The following USP42 variants were observed in gnomAD, a reference collection of about 807,000 sequenced individuals.
The protein encoded by USP42 is ubiquitin specific peptidase 42, also known as ubiquitin carboxyl-terminal hydrolase 42.
A neutral mutation model predicts 113.0 loss-of-function variants in USP42; 23 were observed. The ratio of observed to expected loss-of-function variants is 0.20; its 90% CI spans 0.15 to 0.29. The LOEUF (loss-of-function observed/expected upper bound fraction) is 0.29. Among genes scored for constraint, USP42 ranks in the 10% least tolerant of loss-of-function variants. The pLI is 1.00. For synonymous variants in USP42, 933 were observed against 699.0 expected, an observed-to-expected ratio of 1.33 and a Z score of -5.28; for missense variants, 2,174 against 1,779.8, an observed-to-expected ratio of 1.22 and a Z score of -3.99.
Position 6,145,739 on chromosome 7 carries a change from G to C in USP42, c.1131+83G>C, listed in dbSNP as rs529029173. 1.3e-5 allele frequency: 19 copies of C among 1,453,234 alleles called. No individual in the cohort carries two copies. The African/African-American group carries it at 2.5e-4, about 19-fold the overall frequency. 90.0% of individuals were successfully genotyped at this position (1,453,234 alleles called of 1,614,324 possible). On this transcript the variant is annotated intron_variant, in intron 10 of 17. Transcript: ENST00000306177. Reference sequence around the variant, plus strand: ...AGCATTCTTGGGGTAGGGAGAGGTGGAACTTTTACAGTTAAAATGTGAATA... The same window carrying C: ...AGCATTCTTGGGGTAGGGAGAGGTGCAACTTTTACAGTTAAAATGTGAATA...
intron 2 of USP42, among the ~76,000 whole-genome samples, chr7:6,112,529 C>A (rs534360676): frequency 1.3e-5 from 2 of 152,048 alleles, no homozygotes; most frequent in African/African-American, 4.8e-5. Flanking sequence ...TGGTTACATT[C>A]GTTAAAACTC....
chr7:6,129,775 C>G (rs747402561), intron 3 of USP42, among the ~76,000 whole-genome samples: 1 of 150,254 alleles, frequency 6.7e-6, no homozygotes, highest in Non-Finnish European at 1.5e-5. Context: ...GCAAGAGAAT[C>G]ACTTGAACCC....
intron 14 of USP42, among the ~76,000 whole-genome samples, chr7:6,151,000 G>A (rs1206208544): frequency 6.6e-6 from 1 of 152,240 alleles, no homozygotes; most frequent in African/African-American, 2.4e-5. Flanking sequence ...GGTGTGTCCT[G>A]CGGCTCCTAG....
At chr7:6,090,584 G>A in the USP42 span, among the ~76,000 whole-genome samples, 1 of 145,894 alleles carries the variant, frequency 6.9e-6, no homozygotes, top group African/African-American at 2.6e-5. Flanking sequence ...GCACGGTTGT[G>A]CATGCCTGTA....
intron 7 of USP42, among the ~76,000 whole-genome samples, chr7:6,141,595 ATTGCCCAG>A: frequency 6.7e-6 from 1 of 148,760 alleles, no homozygotes; most frequent in East Asian, 2.0e-4. Flanking sequence ...GTCTTGCTCC[ATTGCCCAG>A]GCTGGAGTGC....
chr7:6,125,801 G>C (rs538828171), intron 3 of USP42, among the ~76,000 whole-genome samples: 1 of 146,274 alleles, frequency 6.8e-6, no homozygotes, highest in South Asian at 2.1e-4. Flanking sequence ...ATTTTACTTT[G>C]TTGTTGATTT....
At chr7:6,106,900 A>G (rs1779312157) in intron 1 of USP42, among the ~76,000 whole-genome samples, 1 of 152,196 alleles carries the variant, frequency 6.6e-6, no homozygotes, top group Non-Finnish European at 1.5e-5. Context: ...TGTAACTTTT[A>G]TATATCATCA....
At chr7:6,146,996 G>C (rs1438088421) in intron 11 of USP42, among the ~76,000 whole-genome samples, 1 of 152,228 alleles carries the variant, frequency 6.6e-6, no homozygotes, top group South Asian at 2.1e-4. Flanking sequence ...TGTTGTGGCT[G>C]CATACGCTTT....
the USP42 span, among the ~76,000 whole-genome samples, chr7:6,091,677 GCATACA>G: frequency 0.036 from 1,888 of 52,588 alleles, 30 homozygotes; most frequent in Non-Finnish European, 0.056. Flanking sequence ...CATTATGTTA[GCATACA>G]CACACACACA....
intron 8 of USP42, 77 bp from the exon 9 acceptor site, chr7:6,144,008 T>C: frequency 1.1e-6 from 1 of 921,448 alleles, no homozygotes; most frequent in South Asian, 2.0e-5. Context: ...TTGAGAATAG[T>C]AACAAGAAAG....
At chr7:6,086,752 G>C in the USP42 span, among the ~76,000 whole-genome samples, 9 of 143,712 alleles carry the variant, frequency 6.3e-5, 1 homozygote, top group African/African-American at 1.9e-4. Context: ...TTGAGATGGA[G>C]TTTCGCTCTT....
chr7:6,132,290 A>G (rs1252619979), intron 3 of USP42, among the ~76,000 whole-genome samples: 2 of 152,170 alleles, frequency 1.3e-5, no homozygotes, highest in Non-Finnish European at 2.9e-5. Context: ...TGTGCCTGAT[A>G]AGAAGTCTGT....
chr7:6,091,804 A>G, the USP42 span, among the ~76,000 whole-genome samples: 1 of 149,748 alleles, frequency 6.7e-6, no homozygotes, highest in South Asian at 2.1e-4. Flanking sequence ...GTGTCTAGCT[A>G]TTTTGCCCCA....
chr7:6,108,534 G>A (rs1779417141), intron 1 of USP42, among the ~76,000 whole-genome samples: 2 of 152,156 alleles, frequency 1.3e-5, no homozygotes, highest in South Asian at 4.1e-4. Context: ...AGGCTGGAGT[G>A]CAGTGGCGCG....
intron 7 of USP42, among the ~76,000 whole-genome samples, chr7:6,142,577 C>G (rs961076015): frequency 6.6e-6 from 1 of 152,092 alleles, no homozygotes; most frequent in African/African-American, 2.4e-5. Context: ...TCTTCTGTTC[C>G]TTCTTTTAAA....
the USP42 span, among the ~76,000 whole-genome samples, chr7:6,091,118 C>G: frequency 6.6e-6 from 1 of 151,036 alleles, no homozygotes; most frequent in Non-Finnish European, 1.5e-5. Context: ...ATATGATTTG[C>G]TATTTTGTTT....
chr7:6,110,530 A>G (rs1779543209), intron 1 of USP42, among the ~76,000 whole-genome samples: 2 of 152,196 alleles, frequency 1.3e-5, no homozygotes, highest in African/African-American at 4.8e-5. Context: ...GTTTTATTTA[A>G]AAAGTCATAC....
rs572277214 is a variant in USP42 at position 6,150,259 on chromosome 7, A to C, written c.2063A>C (p.His688Pro). 7.4e-6 allele frequency: 12 copies of C among 1,613,716 alleles called. No individual in the cohort carries two copies. In the African/African-American group the frequency reaches 1.6e-4, roughly 21 times the overall value. ...AGCTGCCAAGGCCAGCCTGCCCTGC[A>C]CTCAGAAAATCCCTTTGCTAAGGCA... Reference protein sequence around the residue: ...GASCQGQPALHSENPFAKANG... With the variant: ...GASCQGQPALPSENPFAKANG... The change falls in exon 13 of 18, where the codon CAC becomes CCC. Residue 688 changes from histidine (H) to proline (P), a missense_variant. Coordinates refer to ENST00000306177, the MANE Select transcript of USP42 (RefSeq NM_032172.3).
the USP42 span, among the ~76,000 whole-genome samples, chr7:6,089,410 C>G: frequency 6.6e-6 from 1 of 150,616 alleles, no homozygotes; most frequent in Non-Finnish European, 1.5e-5. Flanking sequence ...GGCCAGCAAG[C>G]TTTGTAAGAT....
Sources: allele counts gnomAD v4.1 joint callset (sites outside exome capture counted in the v4.1 genomes callset), GRCh38; gene constraint gnomAD v4.1.1; transcripts MANE v1.5; gene names NCBI Gene and HGNC (gene_info 2026-07-23, HGNC 2026-07-21).